Variants in DLGAP2 observed in about 807,000 individuals in gnomAD.
The protein encoded by DLGAP2 is disks large-associated protein 2.
Under a neutral mutation model 100.3 loss-of-function variants are expected in DLGAP2, and 26 were observed. The ratio of observed to expected loss-of-function variants is 0.26; its 90% CI spans 0.19 to 0.36. The LOEUF (loss-of-function observed/expected upper bound fraction) is 0.36, where lower values mean the gene tolerates loss of function less well. Among genes scored for constraint, DLGAP2 ranks in the 10% least tolerant of loss-of-function variants. The pLI, the probability that DLGAP2 is intolerant of heterozygous loss-of-function variation, is 1.00. For synonymous variants in DLGAP2, 886 were observed against 630.1 expected, an observed-to-expected ratio of 1.41 and a Z score of -6.08; for missense variants, 1,858 against 1,453.2, an observed-to-expected ratio of 1.28 and a Z score of -4.53.
chr8:1,068,195 G>T (rs879870508), intron 2 of DLGAP2, among the ~76,000 whole-genome samples: 45 of 152,276 alleles, frequency 3.0e-4, no homozygotes, highest in African/African-American at 9.6e-4. Flanking sequence ...TAGTTTATCT[G>T]TTCCCTTATG....
Position 1,512,229 on chromosome 8 carries a change from T to G in DLGAP2, c.172+10798T>G, listed in dbSNP as rs749003905. ...CAAACAGATGTCCATTGTAGAAGAA[T>G]GTGTGCTCCTCCCCATAAATTTCAA... On this transcript the variant is annotated intron_variant, in intron 4 of 14. Transcript: ENST00000637795. Among the ~76,000 whole-genome samples the G allele has an allele frequency of 4.6e-5, 7 of 152,224 alleles. No individual in the cohort carries two copies. In the East Asian group the frequency reaches 1.3e-3, roughly 29 times the overall value.
chr8:1,656,973 C>T (rs1252970423), intron 8 of DLGAP2, among the ~76,000 whole-genome samples: 1 of 152,020 alleles, frequency 6.6e-6, no homozygotes, highest in Non-Finnish European at 1.5e-5. Context: ...TCATCTATTT[C>T]CCTGTAATTT....
intron 2 of DLGAP2, among the ~76,000 whole-genome samples, chr8:918,611 A>G (rs1798643819): frequency 6.6e-6 from 1 of 152,200 alleles, no homozygotes. Flanking sequence ...TGTGAACAAG[A>G]CTGTGGTGAT....
At chr8:1,337,674 A>T (rs1373800649) in intron 3 of DLGAP2, among the ~76,000 whole-genome samples, 1 of 152,144 alleles carries the variant, frequency 6.6e-6, no homozygotes, top group Admixed American at 6.5e-5. Context: ...CACCAAAAGC[A>T]TAAGCAACAC....
chr8:1,168,908 G>A (rs1232059854), intron 2 of DLGAP2, among the ~76,000 whole-genome samples: 2 of 101,810 alleles, frequency 2.0e-5, no homozygotes, highest in Non-Finnish European at 4.3e-5. Flanking sequence ...TGTCAATTTT[G>A]GCTTTTGTTG....
intron 8 of DLGAP2, among the ~76,000 whole-genome samples, chr8:1,641,225 G>T (rs1022767738): frequency 6.6e-6 from 1 of 152,206 alleles, no homozygotes; most frequent in African/African-American, 2.4e-5. Flanking sequence ...CAGAAGGCGA[G>T]CGTGATGCAG....
At chr8:1,310,463 G>T (rs540783670) in intron 3 of DLGAP2, among the ~76,000 whole-genome samples, 3 of 152,086 alleles carry the variant, frequency 2.0e-5, no homozygotes, top group Admixed American at 6.6e-5. Flanking sequence ...TAAGCAGGAC[G>T]TCTACACAGA....
chr8:819,019 A>T (rs539755818), intron 1 of DLGAP2, among the ~76,000 whole-genome samples: 1 of 152,348 alleles, frequency 6.6e-6, no homozygotes, highest in South Asian at 2.1e-4. Context: ...ACCTTTTAGG[A>T]AATGATCATT....
intron 2 of DLGAP2, among the ~76,000 whole-genome samples, chr8:1,021,160 G>A (rs541615223): frequency 1.1e-4 from 17 of 152,248 alleles, no homozygotes; most frequent in Non-Finnish European, 2.5e-4. Context: ...GGAGTAAATA[G>A]CTCTAGTAAA....
chr8:901,925 C>G (rs1798259673), intron 1 of DLGAP2, among the ~76,000 whole-genome samples: 2 of 152,190 alleles, frequency 1.3e-5, no homozygotes, highest in Non-Finnish European at 2.9e-5. Flanking sequence ...TTTGGATCCT[C>G]CGGGATGGGC....
At chr8:1,695,666 C>A (rs1394943284) in intron 13 of DLGAP2, among the ~76,000 whole-genome samples, 2 of 152,218 alleles carry the variant, frequency 1.3e-5, no homozygotes, top group African/African-American at 2.4e-5. Context: ...TGTGCCCAGC[C>A]CTACAGAAAG....
chr8:853,415 G>C (rs1474795149), intron 1 of DLGAP2, among the ~76,000 whole-genome samples: 2 of 152,224 alleles, frequency 1.3e-5, no homozygotes, highest in African/African-American at 4.8e-5. Context: ...TGCTCAGATA[G>C]ACAGCCCTGC....
intron 4 of DLGAP2, among the ~76,000 whole-genome samples, chr8:1,504,321 TTG>T (rs1799827239): frequency 1.3e-5 from 2 of 152,224 alleles, no homozygotes; most frequent in African/African-American, 4.8e-5. Context: ...ACGTGATGTT[TTG>T]ATACAGGTAT....
At chr8:900,093 T>G (rs1273348281) in intron 1 of DLGAP2, among the ~76,000 whole-genome samples, 1 of 152,082 alleles carries the variant, frequency 6.6e-6, no homozygotes. Flanking sequence ...GGGCACTGGG[T>G]GGATGGTGGG....
chr8:1,346,687 C>T (rs546948358), intron 3 of DLGAP2, among the ~76,000 whole-genome samples: 1 of 131,550 alleles, frequency 7.6e-6, no homozygotes, highest in South Asian at 2.3e-4. Flanking sequence ...TACAGAGCTG[C>T]TTTAAACTCA....
intron 6 of DLGAP2, among the ~76,000 whole-genome samples, chr8:1,567,662 T>C (rs886338573): frequency 2.6e-5 from 4 of 152,218 alleles, no homozygotes; most frequent in Admixed American, 2.0e-4. Context: ...CATCAGGGAC[T>C]GGCCCAGAGT....
intron 8 of DLGAP2, among the ~76,000 whole-genome samples, chr8:1,659,990 C>G (rs977921678): frequency 1.3e-5 from 2 of 152,114 alleles, no homozygotes; most frequent in African/African-American, 4.8e-5. Context: ...CCAGTTTTTC[C>G]TTTCCATGTT....
intron 2 of DLGAP2, among the ~76,000 whole-genome samples, chr8:974,713 T>A (rs1176404472): frequency 6.6e-6 from 1 of 151,992 alleles, no homozygotes; most frequent in Admixed American, 6.6e-5. Context: ...AAAATGAAAA[T>A]TCAACTTATC....
chr8:1,010,839 C>G (rs572704742), intron 2 of DLGAP2, among the ~76,000 whole-genome samples: 1 of 152,252 alleles, frequency 6.6e-6, no homozygotes, highest in Non-Finnish European at 1.5e-5. Context: ...TCACGGGGCT[C>G]CTCTCCTCTG....
Sources: gnomAD v4.1 joint callset for allele counts (sites outside exome capture counted in the v4.1 genomes callset) on GRCh38, gnomAD v4.1.1 for gene constraint, MANE v1.5 for transcripts, NCBI Gene and HGNC (gene_info 2026-07-23, HGNC 2026-07-21) for gene names.